Variants in SLC26A1 observed in about 807,000 individuals in gnomAD.
The protein encoded by SLC26A1 is sulfate anion transporter 1.
Under a neutral mutation model 14.5 loss-of-function variants are expected in SLC26A1, and 18 were observed. The ratio of observed to expected loss-of-function variants is 1.24; its 90% CI spans 0.86 to 1.84. The LOEUF is 1.84. SLC26A1 is among the 40% of genes most tolerant of loss of function. The pLI, the probability that SLC26A1 is intolerant of heterozygous loss-of-function variation, is 0.00. For synonymous variants in SLC26A1, 505 were observed against 492.0 expected (o/e 1.03, Z -0.35); for missense variants, 1,049 against 1,020.0 (o/e 1.03, Z -0.39).
chr4:981,329 C>T (rs938241718), intron 2 of SLC26A1, among the ~76,000 whole-genome samples: 3 of 152,158 alleles, frequency 2.0e-5, no homozygotes, highest in African/African-American at 7.2e-5. Flanking sequence ...AAATAAAAAC[C>T]AGCCAGGCGT....
chr4:979,920 C>T (rs573030944), intron 2 of SLC26A1, among the ~76,000 whole-genome samples: 1 of 152,362 alleles, frequency 6.6e-6, no homozygotes, highest in African/African-American at 2.4e-5. Context: ...TGTACCTGGG[C>T]TTAGTTTTAG....
downstream of SLC26A1, among the ~76,000 whole-genome samples, chr4:983,986 G>A (rs528162808): frequency 1.2e-3 from 183 of 152,160 alleles, 2 homozygotes; most frequent in South Asian, 4.6e-3. Context: ...CACCACGCCC[G>A]GCTAATTTTT....
chr4:987,034 CG>C, downstream of SLC26A1: 1 of 1,479,860 alleles, frequency 6.8e-7, no homozygotes, highest in Non-Finnish European at 9.0e-7. Flanking sequence ...GACCCGGAGG[CG>C]GAACCGGCAG....
chr4:982,672 G>T (rs1227210024), downstream of SLC26A1, among the ~76,000 whole-genome samples: 3 of 152,172 alleles, frequency 2.0e-5, no homozygotes, highest in Non-Finnish European at 4.4e-5. Context: ...TCCCCTGCAG[G>T]GTAGAGACCT....
chr4:989,685 GA>G lies in SLC26A1; in HGVS notation c.1253del (p.Val418AlafsTer49). The G allele has an allele frequency of 1.9e-6, 3 of 1,564,394 alleles. No homozygotes were observed. The South Asian group carries it at 3.5e-5, about 18-fold the overall frequency. ...GCACCAGCAGCACCACGGTGGCGCTGACCACGCTGGACAGCTGTGTCCGGCA... is the reference window on the plus strand; with the variant it reads ...GCACCAGCAGCACCACGGTGGCGCTGCCACGCTGGACAGCTGTGTCCGGCA... The part of the protein sequence containing the change: ...TGCRTQLSSV[V>X]SATVVLLVLL... On this transcript the variant is annotated frameshift_variant, in exon 3 of 3. Coordinates refer to ENST00000398516, the MANE Select transcript of SLC26A1 (RefSeq NM_022042.4). LOFTEE classifies it low-confidence loss of function (END_TRUNC).
intron 2 of SLC26A1, among the ~76,000 whole-genome samples, chr4:981,400 T>G (rs1713536828): frequency 6.6e-6 from 1 of 152,006 alleles, no homozygotes; most frequent in East Asian, 1.9e-4. Context: ...TCACTTGAGG[T>G]CAGGAGTTCT....
At chr4:983,335 C>G (rs1713602332), downstream of SLC26A1, among the ~76,000 whole-genome samples, 1 of 152,192 alleles carries the variant, frequency 6.6e-6, no homozygotes, top group African/African-American at 2.4e-5. Context: ...TCCCCAAAGC[C>G]AGCCATAAAC....
Position 991,729 on chromosome 4 carries a change from A to G in SLC26A1, c.-26T>C. ...CCTGTTGCGTCAGGTCCCGTGGCCG[A>G]CCTGCGGCCGAGAAGAGGGCATGGT... On this transcript the variant is annotated splice_region_variant and 5_prime_UTR_variant, in exon 2 of 3. Transcript: ENST00000398516. The G allele has an allele frequency of 1.3e-6, 2 of 1,530,244 alleles. No homozygotes were observed. The highest frequency in any genetic ancestry group is 1.7e-6 in the Non-Finnish European group (2 of 1,145,032). 94.8% of individuals were successfully genotyped at this position (1,530,244 alleles called of 1,614,324 possible).
At chr4:983,194 C>A (rs573794734), downstream of SLC26A1, among the ~76,000 whole-genome samples, 4 of 152,322 alleles carry the variant, frequency 2.6e-5, no homozygotes, top group South Asian at 8.3e-4. Context: ...CACAATATAC[C>A]GTTTCTGTTG....
At chr4:990,491 G>A (rs1029512954) in intron 2 of SLC26A1, 129 bp from the exon 3 acceptor site, 1 of 944,014 alleles carries the variant, frequency 1.1e-6, no homozygotes, top group Non-Finnish European at 1.5e-6. Flanking sequence ...GCGGCCCCGT[G>A]TGTTCCAAAC....
At chr4:990,982 G>A (rs566679067) in intron 2 of SLC26A1, 146 bp downstream of exon 2, 9 of 822,338 alleles carry the variant, frequency 1.1e-5, no homozygotes, top group Admixed American at 9.8e-5. Flanking sequence ...GCCCCGGCAC[G>A]CCCCAGCTCT....
chr4:988,509 C>T lies in SLC26A1; in HGVS notation c.*324G>A, dbSNP rs73211816. Reference sequence around the variant, plus strand: ...TGGAGGCTGCATGATGGCGGGGGACCCTTGTTCAAATAAGATGTCAACCCT... The same window carrying T: ...TGGAGGCTGCATGATGGCGGGGGACTCTTGTTCAAATAAGATGTCAACCCT... On this transcript the variant is annotated 3_prime_UTR_variant, in exon 3 of 3. Transcript: ENST00000398516. 11,419 of 1,165,840 alleles carry T rather than the reference C, an allele frequency of 9.8e-3. 72 individuals carry two copies. Among genetic ancestry groups the T allele is most frequent in the Admixed American group, 0.031 (716 of 23,070 alleles). 72.2% of individuals were successfully genotyped at this position (1,165,840 alleles called of 1,614,324 possible).
chr4:989,382 C>T lies in SLC26A1; in HGVS notation c.1557G>A (p.Thr519=), dbSNP rs146711224. The change falls in exon 3 of 3, where the codon ACG becomes ACA. Residue 519 remains threonine (T), a synonymous_variant. Coordinates refer to ENST00000398516, the MANE Select transcript of SLC26A1 (RefSeq NM_022042.4). ...ACTCTGTGGCATCCTCGTAGAAGGC[C>T]GTGTCCCCGATGCGGGCCAGCAGGG... ...RTALLARIGD[T]AFYEDATEFE... 98 of 1,576,048 alleles carry T rather than the reference C, an allele frequency of 6.2e-5. No homozygotes were observed. Among genetic ancestry groups the T allele is most frequent in the East Asian group, 1.9e-4 (8 of 42,534 alleles).
rs1376501038 is a variant in SLC26A1, at chr4:991,317, A to G, written c.387T>C (p.Leu129=). The G allele has an allele frequency of 1.2e-6, 2 of 1,612,820 alleles. No individual in the cohort carries two copies. The highest frequency in any genetic ancestry group is 1.7e-5 in the Admixed American group (1 of 60,032). ...CCACCACCTGCCCCACCATGAGGCA[A>G]AGCAGGCTGAAGATGCCCACGGAGA... is the stretch of plus-strand genomic sequence containing the variant. ...RHVSVGIFSL[L]CLMVGQVVDR... Residue 129 remains leucine, a synonymous_variant, in exon 2 of 3, where the codon CTT becomes CTC. Coordinates refer to ENST00000398516, the MANE Select transcript of SLC26A1 (RefSeq NM_022042.4).
At chr4:987,376 C>G (rs1713816317), downstream of SLC26A1, 1 of 954,686 alleles carries the variant, frequency 1.0e-6, no homozygotes, top group South Asian at 1.7e-5. Context: ...GCCCGCCCCC[C>G]GCCGTGTTTG....
intron 2 of SLC26A1, 30 bp downstream of exon 2, chr4:991,098 C>T: frequency 6.6e-7 from 1 of 1,515,258 alleles, no homozygotes; most frequent in South Asian, 1.3e-5. Flanking sequence ...TGCCCTGGGC[C>T]CCTCCCTGTG....
Position 988,613 on chromosome 4 carries a change from C to T in SLC26A1, c.*220G>A. 7.3e-7 allele frequency: 1 copy of T among 1,378,400 alleles called. No individual in the cohort carries two copies. Among genetic ancestry groups the T allele is most frequent in the Non-Finnish European group, 9.3e-7 (1 of 1,071,750 alleles). 85.4% of individuals were successfully genotyped at this position (1,378,400 alleles called of 1,614,324 possible). On this transcript the variant is annotated 3_prime_UTR_variant, in exon 3 of 3. Coordinates refer to ENST00000398516, the MANE Select transcript of SLC26A1 (RefSeq NM_022042.4). ...CAGCCAGCACTGTGGGCCAGCCTGT[C>T]TCGGAGGCAGAGGTTCTTGATTTCT...
chr4:988,161 C>A lies in SLC26A1; in HGVS notation c.*672G>T. 1 of 1,396,946 alleles carries A rather than the reference C, an allele frequency of 7.2e-7. No homozygotes were observed. Among genetic ancestry groups the A allele is most frequent in the Non-Finnish European group, 9.3e-7 (1 of 1,077,042 alleles). 86.5% of individuals were successfully genotyped at this position (1,396,946 alleles called of 1,614,324 possible). On this transcript the variant is annotated 3_prime_UTR_variant, in exon 3 of 3. Coordinates refer to ENST00000398516, the MANE Select transcript of SLC26A1 (RefSeq NM_022042.4). ...GGGGCACGGTGGGCTTCCTGCAGGT[C>A]TCCCTGCAGGCTCAGGGTTGGCTGC... is the stretch of plus-strand genomic sequence containing the variant.
In SLC26A1 at chr4:989,051, G is replaced by A. The variant is rs766142253; in HGVS notation, c.1888C>T (p.Leu630=). ...LFLDAAGVST[L]QDLRRDYGAL... ...CCGTAGTCTCGGCGCAGGTCCTGCA[G>A]CGTGCTCACACCGGCTGCGTCTAGG... The change falls in exon 3 of 3, where the codon CTG becomes TTG. Residue 630 remains leucine, a synonymous_variant. Coordinates refer to ENST00000398516, the MANE Select transcript of SLC26A1 (RefSeq NM_022042.4). 1 of 1,584,708 alleles carries A rather than the reference G, an allele frequency of 6.3e-7. No homozygotes were observed. Among genetic ancestry groups the A allele is most frequent in the Admixed American group, 1.8e-5 (1 of 56,034 alleles).
Sources: gnomAD v4.1 joint callset for allele counts (sites outside exome capture counted in the v4.1 genomes callset) on GRCh38, gnomAD v4.1.1 for gene constraint, MANE v1.5 for transcripts, NCBI Gene and HGNC (gene_info 2026-07-23, HGNC 2026-07-21) for gene names.